Variants in EYA2 observed in about 807,000 individuals in gnomAD.
EYA2 encodes the protein protein phosphatase EYA2.
Under a neutral mutation model 69.2 loss-of-function variants are expected in EYA2, and 31 were observed. The ratio of observed to expected loss-of-function variants is 0.45; its 90% CI spans 0.34 to 0.60. EYA2 has a LOEUF of 0.60. Ranked by LOEUF, EYA2 falls within the 20% of genes least tolerant of loss-of-function variation. EYA2 has a pLI of 0.02. For missense variants in EYA2, 622 were observed against 701.2 expected (o/e 0.89, Z 1.28); for synonymous variants, 257 against 279.4 (o/e 0.92, Z 0.80).
chr20:46,957,529 T>TCACACACACA (rs74176892), intron 1 of EYA2, among the ~76,000 whole-genome samples: 1 of 20,000 alleles, frequency 5.0e-5, no homozygotes, highest in African/African-American at 1.4e-4. Context: ...GAAGGAGATT[T>TCACACACACA]CACACACACA....
chr20:47,001,437 A>G lies in EYA2; in HGVS notation c.119A>G (p.Lys40Arg). 3 of 1,614,164 alleles carry G rather than the reference A, an allele frequency of 1.9e-6. No homozygotes were observed. The highest frequency in any genetic ancestry group is 2.5e-6 in the Non-Finnish European group (3 of 1,180,016). ...WTLSDRQGIT[K>R]SAPLRVSQLF... is the part of the protein sequence containing the mutation. ...TCTTTTTCTCCTGCAGGCATCACCA[A>G]ATCGGCCCCCCTGAGAGTGTCCCAG... The change falls in exon 3 of 16, where the codon AAA (lysine) becomes AGA (arginine). Residue 40 changes from lysine (K) to arginine (R), a missense_variant. Physicochemically the swap from Lys to Arg is conservative, Grantham distance 26. Transcript: ENST00000327619.
chr20:47,055,433 C>T (rs1372374460), intron 5 of EYA2, among the ~76,000 whole-genome samples: 1 of 152,184 alleles, frequency 6.6e-6, no homozygotes, highest in Non-Finnish European at 1.5e-5. Context: ...TATATTGTAT[C>T]AGATCATGTC....
chr20:46,940,949 T>C (rs1286385166), intron 1 of EYA2, among the ~76,000 whole-genome samples: 2 of 152,200 alleles, frequency 1.3e-5, no homozygotes, highest in Non-Finnish European at 1.5e-5. Context: ...TCCATCTGTC[T>C]CGCCACCTGC....
intron 2 of EYA2, among the ~76,000 whole-genome samples, chr20:46,991,978 A>AAAAC (rs1478047161): frequency 1.4e-5 from 2 of 143,570 alleles, no homozygotes; most frequent in African/African-American, 5.1e-5. Context: ...CAAAAAAAAA[A>AAAAC]AAAAAAAACG....
At chr20:47,005,350 C>T (rs1982641784) in intron 4 of EYA2, among the ~76,000 whole-genome samples, 1 of 152,228 alleles carries the variant, frequency 6.6e-6, no homozygotes, top group African/African-American at 2.4e-5. Context: ...ACCGAGAGAT[C>T]TGTGGATACA....
At chr20:47,140,592 T>G (rs2033574279) in intron 9 of EYA2, among the ~76,000 whole-genome samples, 1 of 152,214 alleles carries the variant, frequency 6.6e-6, no homozygotes, top group Non-Finnish European at 1.5e-5. Context: ...TCAGCCCCTT[T>G]GAGTCCTCAG....
chr20:47,008,700 G>A (rs983130292), intron 4 of EYA2, among the ~76,000 whole-genome samples: 2 of 152,206 alleles, frequency 1.3e-5, no homozygotes, highest in Admixed American at 6.5e-5. Context: ...TAGATGATAA[G>A]AGCACATGTC....
intron 4 of EYA2, among the ~76,000 whole-genome samples, chr20:47,011,030 C>A (rs1983026627): frequency 1.3e-5 from 2 of 152,160 alleles, no homozygotes; most frequent in Admixed American, 1.3e-4. Flanking sequence ...CTCAAATGAT[C>A]TGCCTGCCTC....
chr20:47,097,286 C>G, intron 9 of EYA2, 118 bp downstream of exon 9: 1 of 744,300 alleles, frequency 1.3e-6, no homozygotes, highest in Non-Finnish European at 2.2e-6. Flanking sequence ...AAAAGCTGCC[C>G]TTTGGGGTCA....
Position 47,172,777 on chromosome 20 carries a change from G to A in EYA2, c.1108G>A (p.Val370Met), listed in dbSNP as rs370073467. The A allele has an allele frequency of 4.6e-5, 74 of 1,614,026 alleles. 1 individual carries two copies. The highest frequency in any genetic ancestry group is 2.0e-4 in the African/African-American group (15 of 74,934). ...PGANLCLGSG[V>M]HGGVDWMRKL... ...AGCCAACCTGTGCCTGGGCTCTGGC[G>A]TGCACGGCGGCGTGGACTGGATGAG... The change falls in exon 12 of 16, where the codon GTG becomes ATG. Residue 370 changes from valine to methionine, a missense_variant. Around this residue, in one of 2 missense-constraint regions of EYA2, gnomAD observed 257 missense variants for 351.5 expected, o/e 0.73. Coordinates refer to ENST00000327619, the MANE Select transcript of EYA2 (RefSeq NM_005244.5).
At chr20:47,044,970 A>G (rs192699901) in intron 5 of EYA2, among the ~76,000 whole-genome samples, 55 of 152,342 alleles carry the variant, frequency 3.6e-4, no homozygotes, top group Non-Finnish European at 6.6e-4. Flanking sequence ...GGTAATTGCT[A>G]TGAAGGAAGA....
At position 47,039,137 on chromosome 20, in the gene EYA2, G is replaced by A. The variant is rs574890847; in HGVS notation, c.415+22840G>A. On this transcript the variant is annotated intron_variant, in intron 5 of 15. Transcript: ENST00000327619. ...CACACACACACACACACACACGCGC[G>A]CACAATTCTATAATGTGAGTTTCTA... is the stretch of plus-strand genomic sequence containing the variant. Among the ~76,000 whole-genome samples, 7 of 106,596 alleles carry A rather than the reference G, an allele frequency of 6.6e-5. No homozygotes were observed. The South Asian group carries it at 1.5e-3, about 23-fold the overall frequency. The allele number at this position is 106,596 out of a possible 152,430, so 69.9% of individuals were successfully genotyped here. A position where few individuals can be genotyped will look rare whatever the true frequency, so the allele number is the denominator to read the frequency against.
At chr20:47,099,907 C>T (rs1398032160) in intron 9 of EYA2, among the ~76,000 whole-genome samples, 1 of 152,098 alleles carries the variant, frequency 6.6e-6, no homozygotes, top group African/African-American at 2.4e-5. Context: ...TCCCCAACCA[C>T]GCGCAGTACA....
intron 1 of EYA2, among the ~76,000 whole-genome samples, chr20:46,983,196 C>T (rs999481174): frequency 6.6e-6 from 1 of 152,040 alleles, no homozygotes; most frequent in Non-Finnish European, 1.5e-5. Flanking sequence ...AGCAGAATCT[C>T]GTGAGGTTTT....
chr20:47,128,135 A>G (rs1320670036), intron 9 of EYA2, among the ~76,000 whole-genome samples: 1 of 152,216 alleles, frequency 6.6e-6, no homozygotes, highest in Non-Finnish European at 1.5e-5. Flanking sequence ...GGGGGCAGCT[A>G]AAATGAGCTG....
chr20:46,934,761 G>A (rs936331159), intron 1 of EYA2, among the ~76,000 whole-genome samples: 1 of 152,154 alleles, frequency 6.6e-6, no homozygotes, highest in African/African-American at 2.4e-5. Flanking sequence ...GGAATCTCTG[G>A]CAGAGAGAAC....
At chr20:47,117,380 C>T (rs1002443185) in intron 9 of EYA2, 26 of 985,286 alleles carry the variant, frequency 2.6e-5, no homozygotes, top group Non-Finnish European at 2.9e-5. Context: ...GATGGAGCCC[C>T]GAATTCACCT....
intron 1 of EYA2, among the ~76,000 whole-genome samples, chr20:46,969,031 G>A (rs1281620150): frequency 1.3e-5 from 2 of 152,168 alleles, no homozygotes; most frequent in East Asian, 1.9e-4. Flanking sequence ...TGACCTACAC[G>A]GCTCTTTCTT....
intron 1 of EYA2, among the ~76,000 whole-genome samples, chr20:46,982,859 C>T (rs1164549326): frequency 3.3e-5 from 5 of 151,346 alleles, no homozygotes; most frequent in Admixed American, 1.3e-4. Flanking sequence ...CTGCAACCTC[C>T]GCCTCCTGGG....
Sources: gnomAD v4.1 joint callset for allele counts (sites outside exome capture counted in the v4.1 genomes callset) on GRCh38, gnomAD v4.1.1 for gene constraint, gnomAD v4.1.1 regional missense constraint, MANE v1.5 for transcripts, NCBI Gene and HGNC (gene_info 2026-07-23, HGNC 2026-07-21) for gene names.